Variants in QTMAN observed in about 807,000 individuals in gnomAD.
The protein encoded by QTMAN is tRNA-queuosine alpha-mannosyltransferase.
the QTMAN span, among the ~76,000 whole-genome samples, chr2:144,252,574 A>G: frequency 6.6e-6 from 1 of 152,152 alleles, no homozygotes; most frequent in African/African-American, 2.4e-5. Flanking sequence ...CAAAACAATA[A>G]CAACTGACAA....
chr2:144,169,069 T>C, the QTMAN span, among the ~76,000 whole-genome samples: 1 of 152,176 alleles, frequency 6.6e-6, no homozygotes. Flanking sequence ...TTAGGTTCAA[T>C]GTCCCTTATA....
the QTMAN span, among the ~76,000 whole-genome samples, chr2:144,323,157 AATG>A: frequency 6.6e-6 from 1 of 152,192 alleles, no homozygotes; most frequent in African/African-American, 2.4e-5. Flanking sequence ...TTCAAGTAAA[AATG>A]ATGCTTCATG....
the QTMAN span, among the ~76,000 whole-genome samples, chr2:144,244,661 A>T: frequency 1.3e-5 from 2 of 152,238 alleles, no homozygotes; most frequent in African/African-American, 2.4e-5. Context: ...ATTAAACAAG[A>T]ATTTTTTTTA....
chr2:144,252,697 CA>C, the QTMAN span, among the ~76,000 whole-genome samples: 1 of 152,174 alleles, frequency 6.6e-6, no homozygotes, highest in Admixed American at 6.5e-5. Flanking sequence ...GCAGTTCCTA[CA>C]AAATTTAACA....
the QTMAN span, chr2:144,178,454 C>T: frequency 6.6e-6 from 1 of 152,368 alleles, no homozygotes; most frequent in South Asian, 2.1e-4. Context: ...CCATCCTTCA[C>T]CCATGAAAAT....
chr2:144,059,453 C>T, the QTMAN span, among the ~76,000 whole-genome samples: 1 of 152,192 alleles, frequency 6.6e-6, no homozygotes, highest in Non-Finnish European at 1.5e-5. Context: ...ATCTGGCACA[C>T]TGTGTTGGCT....
the QTMAN span, among the ~76,000 whole-genome samples, chr2:144,081,593 C>A: frequency 6.6e-6 from 1 of 151,968 alleles, no homozygotes; most frequent in Non-Finnish European, 1.5e-5. Flanking sequence ...CTCTCCTCCC[C>A]CTAATAAACC....
the QTMAN span, among the ~76,000 whole-genome samples, chr2:144,053,809 AC>A: frequency 8.5e-5 from 13 of 152,080 alleles, 1 homozygote; most frequent in Admixed American, 8.5e-4. Context: ...GCCTTAAGTC[AC>A]CCCACTCTGC....
the QTMAN span, among the ~76,000 whole-genome samples, chr2:144,035,938 C>T: frequency 2.6e-5 from 4 of 152,260 alleles, no homozygotes; most frequent in South Asian, 8.3e-4. Flanking sequence ...CCCTAAATCA[C>T]CTATCCCTTC....
At chr2:144,097,357 T>C in the QTMAN span, among the ~76,000 whole-genome samples, 6 of 152,224 alleles carry the variant, frequency 3.9e-5, no homozygotes. Flanking sequence ...TCTTTAACCA[T>C]AGAAATACTT....
the QTMAN span, among the ~76,000 whole-genome samples, chr2:143,994,837 T>C: frequency 1.3e-5 from 2 of 152,196 alleles, no homozygotes; most frequent in Non-Finnish European, 2.9e-5. Context: ...TCTGTAAATT[T>C]ACTAAAAATC....
the QTMAN span, among the ~76,000 whole-genome samples, chr2:144,288,380 T>C: frequency 6.6e-6 from 1 of 152,194 alleles, no homozygotes; most frequent in Admixed American, 6.5e-5. Flanking sequence ...AAATATACTT[T>C]TTACGATTAA....
the QTMAN span, among the ~76,000 whole-genome samples, chr2:143,949,530 A>G: frequency 5.3e-5 from 8 of 151,992 alleles, no homozygotes; most frequent in African/African-American, 1.9e-4. Flanking sequence ...GTAAGGTGTA[A>G]AAATGTAAAA....
At chr2:144,003,401 T>C in the QTMAN span, among the ~76,000 whole-genome samples, 1 of 151,636 alleles carries the variant, frequency 6.6e-6, no homozygotes, top group African/African-American at 2.4e-5. Flanking sequence ...ATTTGTATAG[T>C]ATTTGGAAAG....
At chr2:144,258,687 C>T in the QTMAN span, among the ~76,000 whole-genome samples, 2 of 151,938 alleles carry the variant, frequency 1.3e-5, no homozygotes, top group African/African-American at 4.8e-5. Context: ...TAAGGACAGA[C>T]ATATAAGTAT....
At chr2:144,145,600 G>A in the QTMAN span, 3 of 1,609,558 alleles carry the variant, frequency 1.9e-6, no homozygotes, top group Non-Finnish European at 2.5e-6. Flanking sequence ...TATCCATATT[G>A]GAAATCCCTC....
At chr2:144,155,191 T>C in the QTMAN span, among the ~76,000 whole-genome samples, 1 of 152,152 alleles carries the variant, frequency 6.6e-6, no homozygotes, top group East Asian at 1.9e-4. Flanking sequence ...CACTGTTCTC[T>C]GCTTCACCAT....
At chr2:143,956,200 G>C in the QTMAN span, among the ~76,000 whole-genome samples, 23 of 152,124 alleles carry the variant, frequency 1.5e-4, no homozygotes, top group African/African-American at 5.3e-4. Flanking sequence ...ATTTTAATAA[G>C]GCCTCTTTAG....
the QTMAN span, among the ~76,000 whole-genome samples, chr2:144,123,297 G>T: frequency 6.6e-6 from 1 of 152,072 alleles, no homozygotes; most frequent in East Asian, 1.9e-4. Flanking sequence ...TACAGTAATA[G>T]ATAACTTACA....
Sources: gnomAD v4.1 joint callset for allele counts (sites outside exome capture counted in the v4.1 genomes callset) on GRCh38, gnomAD v4.1.1 for gene constraint, MANE v1.5 for transcripts, NCBI Gene and HGNC (gene_info 2026-07-23, HGNC 2026-07-21) for gene names.